SLC2A13: variants seen among roughly 807,000 people sequenced by gnomAD.
The protein encoded by SLC2A13 is proton myo-inositol cotransporter.
SLC2A13 carries 32 observed loss-of-function variants against 64.4 expected under a neutral mutation model. That is an observed-to-expected ratio of 0.50 (90% CI 0.37 to 0.67). The LOEUF (loss-of-function observed/expected upper bound fraction) is 0.67, where lower values mean the gene tolerates loss of function less well. Ranked by LOEUF, SLC2A13 falls within the 30% of genes least tolerant of loss-of-function variation. The probability of loss-of-function intolerance (pLI) is 0.00; values close to 1 mark genes in which losing one functional copy is unlikely to be tolerated. For missense variants in SLC2A13, 743 were observed against 829.2 expected, an observed-to-expected ratio of 0.90 and a Z score of 1.28; for synonymous variants, 338 against 327.1, an observed-to-expected ratio of 1.03 and a Z score of -0.36.
intron 3 of SLC2A13, among the ~76,000 whole-genome samples, chr12:40,008,482 GC>G (rs1406495414): frequency 1.3e-5 from 2 of 152,044 alleles, no homozygotes; most frequent in African/African-American, 2.4e-5. Context: ...ATGGTGGTGG[GC>G]ACCTGTAGTC....
At chr12:40,068,257 T>C in intron 1 of SLC2A13, 1 of 340,018 alleles carries the variant, frequency 2.9e-6, no homozygotes, top group South Asian at 2.3e-5. Context: ...TTTTCACCAG[T>C]ATCTTCTGGC....
intron 6 of SLC2A13, among the ~76,000 whole-genome samples, chr12:39,831,381 C>T (rs1490683472): frequency 6.6e-6 from 1 of 152,048 alleles, no homozygotes; most frequent in East Asian, 1.9e-4. Context: ...TCAGTCAGCA[C>T]AGACTTATTA....
intron 1 of SLC2A13, among the ~76,000 whole-genome samples, chr12:40,100,366 A>C (rs1939102748): frequency 6.6e-6 from 1 of 152,220 alleles, no homozygotes; most frequent in Non-Finnish European, 1.5e-5. Flanking sequence ...ATCACCACTT[A>C]TAATAAGCAG....
At chr12:40,097,312 T>A (rs1482250796) in intron 1 of SLC2A13, among the ~76,000 whole-genome samples, 1 of 152,150 alleles carries the variant, frequency 6.6e-6, no homozygotes, top group Non-Finnish European at 1.5e-5. Context: ...AAGCTTACTC[T>A]CAAGGGGCAT....
intron 4 of SLC2A13, among the ~76,000 whole-genome samples, chr12:39,930,046 G>A (rs767229707): frequency 1.8e-4 from 27 of 151,616 alleles, no homozygotes; most frequent in Admixed American, 6.6e-4. Flanking sequence ...CAGGAGAATC[G>A]CTTGAACCCG....
chr12:39,895,562 A>ACG (rs1565525891), intron 4 of SLC2A13, among the ~76,000 whole-genome samples: 1 of 138,302 alleles, frequency 7.2e-6, no homozygotes, highest in Non-Finnish European at 1.6e-5. Flanking sequence ...ACACACACAC[A>ACG]CACACGTGTA....
At chr12:39,763,603 G>A (rs1412237372) in intron 9 of SLC2A13, among the ~76,000 whole-genome samples, 1 of 152,170 alleles carries the variant, frequency 6.6e-6, no homozygotes, top group African/African-American at 2.4e-5. Context: ...ATGATAAGTG[G>A]CCAGAGCACA....
Position 39,812,398 on chromosome 12 carries a change from C to T in SLC2A13, c.1445+17705G>A, listed in dbSNP as rs895167661. 4.7e-4 allele frequency among the ~76,000 whole-genome samples: 52 copies of T among 111,426 alleles called. 1 individual carries two copies. The highest frequency in any genetic ancestry group is 3.6e-3 in the Admixed American group (42 of 11,738). 73.1% of individuals were successfully genotyped at this position (111,426 alleles called of 152,430 possible). On this transcript the variant is annotated intron_variant, in intron 7 of 9. Coordinates refer to ENST00000280871, the MANE Select transcript of SLC2A13 (RefSeq NM_052885.4). ...TTTTCTTTTCTTTCTTTCTCTCTCT[C>T]TTTCTTCCTTCCTTCCTTCCTTCCT... is the stretch of plus-strand genomic sequence containing the variant.
rs1412885264 is a variant in SLC2A13 at position 39,951,242 on chromosome 12, G to A, written c.1034+15C>T. ...TCACAATCTTTTCAGTAAAAAGCCA[G>A]AAAGAAATACATACATGATGGTGTT... On this transcript the variant is annotated intron_variant, in intron 4 of 9. Coordinates refer to ENST00000280871, the MANE Select transcript of SLC2A13 (RefSeq NM_052885.4). 9 of 1,604,492 alleles carry A rather than the reference G, an allele frequency of 5.6e-6. No individual in the cohort carries two copies. In the Admixed American group the frequency reaches 1.4e-4, roughly 24 times the overall value.
intron 1 of SLC2A13, among the ~76,000 whole-genome samples, chr12:40,062,483 A>G (rs1438640845): frequency 6.6e-6 from 1 of 152,132 alleles, no homozygotes; most frequent in Non-Finnish European, 1.5e-5. Flanking sequence ...AAAACAGAAA[A>G]AAAAGCATAT....
intron 6 of SLC2A13, among the ~76,000 whole-genome samples, chr12:39,851,279 G>A (rs1943460305): frequency 2.0e-5 from 3 of 152,054 alleles, no homozygotes; most frequent in Admixed American, 6.6e-5. Flanking sequence ...TTAGAAAAAC[G>A]CTACTCAGTT....
intron 1 of SLC2A13, among the ~76,000 whole-genome samples, chr12:40,104,707 TG>T (rs1334130543): frequency 1.3e-5 from 2 of 152,118 alleles, no homozygotes; most frequent in Non-Finnish European, 2.9e-5. Context: ...TAAAGACAAA[TG>T]CTAGATAAGC....
chr12:40,052,530 G>C (rs1948276203), intron 1 of SLC2A13, among the ~76,000 whole-genome samples: 2 of 152,130 alleles, frequency 1.3e-5, no homozygotes, highest in African/African-American at 4.8e-5. Flanking sequence ...ATGGGAGCCT[G>C]TAACAAAGGG....
intron 3 of SLC2A13, among the ~76,000 whole-genome samples, chr12:39,955,218 AC>A (rs1166971848): frequency 1.3e-5 from 2 of 152,232 alleles, no homozygotes; most frequent in African/African-American, 4.8e-5. Flanking sequence ...CTGAAAGACA[AC>A]TGGAAAACAT....
At chr12:40,103,107 C>A (rs1449578984) in intron 1 of SLC2A13, among the ~76,000 whole-genome samples, 3 of 152,178 alleles carry the variant, frequency 2.0e-5, no homozygotes, top group Non-Finnish European at 4.4e-5. Context: ...ATTGAACCAA[C>A]CAGCCCAGAG....
At chr12:40,036,166 G>C (rs1381961609) in intron 2 of SLC2A13, among the ~76,000 whole-genome samples, 1 of 152,084 alleles carries the variant, frequency 6.6e-6, no homozygotes, top group Non-Finnish European at 1.5e-5. Flanking sequence ...CCATGATGGG[G>C]GTTTAGGCCC....
intron 6 of SLC2A13, among the ~76,000 whole-genome samples, chr12:39,842,522 G>A (rs1360117323): frequency 1.3e-5 from 2 of 152,074 alleles, no homozygotes; most frequent in Non-Finnish European, 2.9e-5. Flanking sequence ...TGAAGATACA[G>A]TAGGAGGCAA....
intron 5 of SLC2A13, among the ~76,000 whole-genome samples, chr12:39,870,680 T>C (rs1391296215): frequency 6.6e-6 from 1 of 152,158 alleles, no homozygotes; most frequent in African/African-American, 2.4e-5. Context: ...CTGTTGGCAA[T>C]CATGTTTGCC....
chr12:39,890,667 T>C (rs926636447), intron 4 of SLC2A13, among the ~76,000 whole-genome samples: 1 of 152,186 alleles, frequency 6.6e-6, no homozygotes, highest in Non-Finnish European at 1.5e-5. Flanking sequence ...TATATATGTA[T>C]TGAAACATCA....
Sources: allele counts gnomAD v4.1 joint callset (sites outside exome capture counted in the v4.1 genomes callset), GRCh38; gene constraint gnomAD v4.1.1; transcripts MANE v1.5; gene names NCBI Gene and HGNC (gene_info 2026-07-23, HGNC 2026-07-21).